The following ADAMTS12 variants were observed in gnomAD, a reference collection of about 807,000 sequenced individuals.
ADAMTS12 encodes the protein ADAM metallopeptidase with thrombospondin type 1 motif 12.
ADAMTS12 carries 118 observed loss-of-function variants against 167.8 expected under a neutral mutation model. The ratio of observed to expected loss-of-function variants is 0.70; its 90% CI spans 0.61 to 0.82. ADAMTS12 has a LOEUF of 0.82. Ranked by LOEUF, ADAMTS12 falls within the 40% of genes least tolerant of loss-of-function variation. ADAMTS12 has a pLI of 0.00. For synonymous variants in ADAMTS12, 704 were observed against 716.9 expected (o/e 0.98, Z 0.29); for missense variants, 1,916 against 1,998.8 (o/e 0.96, Z 0.79).
chr5:33,700,403 T>C (rs1254270198), intron 3 of ADAMTS12, among the ~76,000 whole-genome samples: 2 of 152,152 alleles, frequency 1.3e-5, no homozygotes, highest in Admixed American at 1.3e-4. Context: ...AGGAAATAAT[T>C]ATGAGTGAAA....
At chr5:33,877,814 G>C (rs891110293) in intron 2 of ADAMTS12, among the ~76,000 whole-genome samples, 2 of 152,100 alleles carry the variant, frequency 1.3e-5, no homozygotes, top group Non-Finnish European at 2.9e-5. Context: ...AATCATCTGA[G>C]TCTGCTCCAG....
At chr5:33,675,444 G>C (rs951747331) in intron 5 of ADAMTS12, among the ~76,000 whole-genome samples, 2 of 152,196 alleles carry the variant, frequency 1.3e-5, no homozygotes, top group African/African-American at 4.8e-5. Flanking sequence ...TTTGCTATAA[G>C]AGTAATTCTG....
At chr5:33,528,000 T>C (rs376816583) in intron 23 of ADAMTS12, among the ~76,000 whole-genome samples, 1 of 149,098 alleles carries the variant, frequency 6.7e-6, no homozygotes, top group Non-Finnish European at 1.5e-5. Flanking sequence ...ATTGCAAAGA[T>C]ATGGAACCAA....
chr5:33,751,735 G>A (rs374380951), intron 2 of ADAMTS12, among the ~76,000 whole-genome samples, 187 bp from the exon 3 acceptor site: 6 of 152,264 alleles, frequency 3.9e-5, no homozygotes, highest in South Asian at 2.1e-4. Context: ...TATAGTCATC[G>A]TTATTAAATA....
At chr5:33,657,648 C>T (rs1326096039) in intron 7 of ADAMTS12, among the ~76,000 whole-genome samples, 2 of 152,110 alleles carry the variant, frequency 1.3e-5, no homozygotes, top group African/African-American at 4.8e-5. Context: ...ATAGTCTTTC[C>T]AAATTTACAG....
intron 2 of ADAMTS12, among the ~76,000 whole-genome samples, chr5:33,800,870 G>A (rs1746973700): frequency 6.6e-6 from 1 of 152,130 alleles, no homozygotes; most frequent in Non-Finnish European, 1.5e-5. Flanking sequence ...CCTGGATCCT[G>A]TGCATGTTAA....
chr5:33,551,935 G>A (rs696155), intron 20 of ADAMTS12, among the ~76,000 whole-genome samples: 38,966 of 152,050 alleles, frequency 0.26, 5,719 homozygotes, highest in East Asian at 0.58. Context: ...GAGGAAGGCC[G>A]TTTGTATTCC....
chr5:33,663,073 T>A (rs548840760), intron 5 of ADAMTS12, among the ~76,000 whole-genome samples: 102 of 152,356 alleles, frequency 6.7e-4, no homozygotes, highest in African/African-American at 2.4e-3. Context: ...GTTAGAGGCA[T>A]TTTTAGGTCT....
In ADAMTS12 at chr5:33,576,370, C is replaced by A; in HGVS notation, c.3656G>T (p.Gly1219Val). Reference sequence around the variant, plus strand: ...AGTGGGCCTTTGGCTGGGGAGCAGTCCTTCCATTACTGTGCTGAAGGGTGG... The same window carrying A: ...AGTGGGCCTTTGGCTGGGGAGCAGTACTTCCATTACTGTGCTGAAGGGTGG... ...WWPPFSTVME[G>V]LLPSQRPTTS... is the part of the protein sequence containing the mutation. Residue 1219 changes from glycine to valine, a missense_variant, in exon 19 of 24, where the codon GGA becomes GTA. Gly to Val is a moderately radical substitution (Grantham distance 109). Transcript: ENST00000504830. 6.2e-7 allele frequency: 1 copy of A among 1,614,132 alleles called. No homozygotes were observed. The highest frequency in any genetic ancestry group is 1.7e-4 in the Middle Eastern group (1 of 6,060).
intron 2 of ADAMTS12, among the ~76,000 whole-genome samples, chr5:33,860,314 C>T (rs1350203985): frequency 6.6e-6 from 1 of 152,090 alleles, no homozygotes; most frequent in Non-Finnish European, 1.5e-5. Context: ...TAAAGAAGAA[C>T]ATAAATGACC....
chr5:33,869,074 A>T (rs1046954321), intron 2 of ADAMTS12, among the ~76,000 whole-genome samples: 3 of 152,088 alleles, frequency 2.0e-5, no homozygotes, highest in Non-Finnish European at 1.5e-5. Flanking sequence ...CATTCTAGAG[A>T]CCTCTGCAGC....
intron 2 of ADAMTS12, among the ~76,000 whole-genome samples, chr5:33,770,480 C>T (rs1745695805): frequency 6.6e-6 from 1 of 152,158 alleles, no homozygotes; most frequent in Admixed American, 6.5e-5. Flanking sequence ...ATCAGCTATA[C>T]ACCTGCAGCT....
intron 3 of ADAMTS12, among the ~76,000 whole-genome samples, chr5:33,690,290 A>G (rs533624089): frequency 2.6e-5 from 4 of 152,348 alleles, no homozygotes. Context: ...ATATTTTTTT[A>G]CATTTAAGTA....
At chr5:33,572,744 G>T (rs1239165394) in intron 19 of ADAMTS12, among the ~76,000 whole-genome samples, 1 of 148,246 alleles carries the variant, frequency 6.7e-6, no homozygotes, top group East Asian at 2.0e-4. Context: ...GGAAGTTCTG[G>T]CCAGGGCAAT....
chr5:33,550,664 G>A (rs952880408), intron 20 of ADAMTS12, among the ~76,000 whole-genome samples: 1 of 152,078 alleles, frequency 6.6e-6, no homozygotes, highest in Non-Finnish European at 1.5e-5. Context: ...TGATCTAAAG[G>A]AGGTGATTTC....
At chr5:33,844,951 C>T (rs116491214) in intron 2 of ADAMTS12, among the ~76,000 whole-genome samples, 2,084 of 152,146 alleles carry the variant, frequency 0.014, 22 homozygotes, top group Non-Finnish European at 0.018. Context: ...GCAGGTTCCC[C>T]GATAATTTCT....
intron 20 of ADAMTS12, among the ~76,000 whole-genome samples, chr5:33,560,754 A>T (rs1745701797): frequency 8.4e-6 from 1 of 118,998 alleles, no homozygotes; most frequent in South Asian, 3.0e-4. Flanking sequence ...GGAACATCAC[A>T]CACCGGGGCC....
intron 18 of ADAMTS12, among the ~76,000 whole-genome samples, chr5:33,587,885 G>C (rs1054754385): frequency 2.6e-5 from 4 of 152,198 alleles, no homozygotes; most frequent in Non-Finnish European, 5.9e-5. Flanking sequence ...ACTGCACATA[G>C]AGAAGCAGAG....
intron 3 of ADAMTS12, among the ~76,000 whole-genome samples, chr5:33,712,112 G>A (rs540251142): frequency 4.5e-4 from 68 of 152,202 alleles, no homozygotes; most frequent in South Asian, 3.7e-3. Context: ...GGAATGTAAC[G>A]AAATTCTGAT....
Sources: allele counts gnomAD v4.1 joint callset (sites outside exome capture counted in the v4.1 genomes callset), GRCh38; gene constraint gnomAD v4.1.1; transcripts MANE v1.5; gene names NCBI Gene and HGNC (gene_info 2026-07-23, HGNC 2026-07-21).